The following BTLA variants were observed in gnomAD, a reference collection of about 807,000 sequenced individuals.
BTLA encodes B and T lymphocyte associated, also known as B- and T-lymphocyte attenuator.
A neutral mutation model predicts 25.0 loss-of-function variants in BTLA; 11 were observed. The ratio of observed to expected loss-of-function variants is 0.44; its 90% CI spans 0.28 to 0.73. BTLA has a LOEUF of 0.73. Among genes scored for constraint, BTLA ranks in the 30% least tolerant of loss-of-function variants. The probability of loss-of-function intolerance (pLI) is 0.15; values close to 1 mark genes in which losing one functional copy is unlikely to be tolerated. For synonymous variants in BTLA, 104 were observed against 119.8 expected, an observed-to-expected ratio of 0.87 and a Z score of 0.86; for missense variants, 282 against 332.8, an observed-to-expected ratio of 0.85 and a Z score of 1.19.
At chr3:112,475,110 G>A (rs1042252191) in intron 2 of BTLA, among the ~76,000 whole-genome samples, 12 of 152,188 alleles carry the variant, frequency 7.9e-5, no homozygotes, top group African/African-American at 2.2e-4. Context: ...ATGATGGTGC[G>A]AGATGCTTAT....
chr3:112,492,236 A>G (rs1320013729), intron 1 of BTLA, among the ~76,000 whole-genome samples: 2 of 152,222 alleles, frequency 1.3e-5, no homozygotes, highest in African/African-American at 4.8e-5. Flanking sequence ...ACATGTAATT[A>G]TCGCCCTTGA....
chr3:112,485,723 T>C (rs1358501082), intron 1 of BTLA, among the ~76,000 whole-genome samples: 2 of 152,178 alleles, frequency 1.3e-5, no homozygotes, highest in Non-Finnish European at 2.9e-5. Context: ...TTATTCCTGC[T>C]CTTATTATCT....
In BTLA at chr3:112,488,901, C is replaced by T. The variant is rs192466866; in HGVS notation, c.89-9132G>A. Among the ~76,000 whole-genome samples, 5 of 152,242 alleles carry T rather than the reference C, an allele frequency of 3.3e-5. No individual in the cohort carries two copies. The South Asian group carries it at 8.3e-4, about 25-fold the overall frequency. The stretch of plus-strand genomic sequence containing the variant: ...TGCTAGTATTACAGGCATGAGCCAC[C>T]GCACCCAGCCGACATGCATCACTCT... On this transcript the variant is annotated intron_variant, in intron 1 of 4. Transcript: ENST00000334529.
chr3:112,477,043 C>T (rs1263734562), intron 2 of BTLA, among the ~76,000 whole-genome samples: 2 of 152,052 alleles, frequency 1.3e-5, no homozygotes, highest in Admixed American at 6.6e-5. Context: ...AATAATATTC[C>T]GTGTGTGGAT....
At chr3:112,498,311 G>A (rs1237785855) in intron 1 of BTLA, among the ~76,000 whole-genome samples, 1 of 152,038 alleles carries the variant, frequency 6.6e-6, no homozygotes, top group Non-Finnish European at 1.5e-5. Context: ...GGACGCTGAG[G>A]CAGGAGAATA....
At chr3:112,479,280 G>A (rs188011008) in intron 2 of BTLA, among the ~76,000 whole-genome samples, 175 bp downstream of exon 2, 7 of 151,954 alleles carry the variant, frequency 4.6e-5, no homozygotes, top group East Asian at 3.9e-4. Flanking sequence ...CACCTCAAAC[G>A]CACACATACA....
At chr3:112,469,364 C>T (rs1022671266) in intron 4 of BTLA, among the ~76,000 whole-genome samples, 1 of 151,956 alleles carries the variant, frequency 6.6e-6, no homozygotes, top group African/African-American at 2.4e-5. Flanking sequence ...CATCAGCTCC[C>T]TACTCTCTTC....
rs1260585747 is a variant in BTLA at position 112,497,525 on chromosome 3, A to G, written c.88+1746T>C. Among the ~76,000 whole-genome samples, 4 of 152,336 alleles carry G rather than the reference A, an allele frequency of 2.6e-5. No homozygotes were observed. In the East Asian group the frequency reaches 7.7e-4, roughly 29 times the overall value. On this transcript the variant is annotated intron_variant, in intron 1 of 4. Transcript: ENST00000334529. ...TGAAACTCATTGTTCTTAATTTCAT[A>G]GAGAGTAGTTTATGTATCCTTCAAA... is the stretch of plus-strand genomic sequence containing the variant.
rs1338474804 is a variant in BTLA at position 112,486,702 on chromosome 3, AAAC to A, written c.89-6936_89-6934del. Among the ~76,000 whole-genome samples, 30 of 152,236 alleles carry A rather than the reference AAAC, an allele frequency of 2.0e-4. 1 individual carries two copies. Among genetic ancestry groups the A allele is most frequent in the Admixed American group, 1.1e-3 (17 of 15,288 alleles). ...GTTTTATTTTCTAAAGTTAGTTTTAAAACAACATTAAAAAAATTTCAATTGTAA... is the reference window on the plus strand; with the variant it reads ...GTTTTATTTTCTAAAGTTAGTTTTAAAACATTAAAAAAATTTCAATTGTAA... On this transcript the variant is annotated intron_variant, in intron 1 of 4. Coordinates refer to ENST00000334529, the MANE Select transcript of BTLA (RefSeq NM_181780.4).
intron 1 of BTLA, among the ~76,000 whole-genome samples, chr3:112,492,747 T>C (rs529319942): frequency 6.6e-6 from 1 of 152,160 alleles, no homozygotes; most frequent in Non-Finnish European, 1.5e-5. Context: ...TAGAGGAAAA[T>C]GAAGTGGGGC....
At chr3:112,495,339 T>C (rs1344405023) in intron 1 of BTLA, among the ~76,000 whole-genome samples, 1 of 152,216 alleles carries the variant, frequency 6.6e-6, no homozygotes, top group African/African-American at 2.4e-5. Flanking sequence ...CTGTAAATAT[T>C]TTTCTTTTAA....
At position 112,463,966 on chromosome 3, in the gene BTLA, T is replaced by C; in HGVS notation, c.*2142A>G. 1 of 356,266 alleles carries C rather than the reference T, an allele frequency of 2.8e-6. No individual in the cohort carries two copies. Among genetic ancestry groups the C allele is most frequent in the Non-Finnish European group, 5.0e-6 (1 of 200,284 alleles). 22.1% of individuals were successfully genotyped at this position (356,266 alleles called of 1,614,324 possible). A position where few individuals can be genotyped will look rare whatever the true frequency, so the allele number is the denominator to read the frequency against. ...TTGGGGTACAAAATCAGATGCCAAA[T>C]TGATTTCAAATAAGTTTTAATAACT... On this transcript the variant is annotated 3_prime_UTR_variant, in exon 5 of 5. Coordinates refer to ENST00000334529, the MANE Select transcript of BTLA (RefSeq NM_181780.4).
At chr3:112,499,547 A>G (rs1559832833), upstream of BTLA, 1 of 537,450 alleles carries the variant, frequency 1.9e-6, no homozygotes. Context: ...TGTGAAAAAA[A>G]GTGAACAGAA....
chr3:112,495,045 A>C (rs1261214449), intron 1 of BTLA, among the ~76,000 whole-genome samples: 1 of 152,246 alleles, frequency 6.6e-6, no homozygotes, highest in African/African-American at 2.4e-5. Flanking sequence ...AAAAAAAATT[A>C]GCTAAATATA....
chr3:112,479,537 A>T lies in BTLA; in HGVS notation c.321T>A (p.Pro107=). 6.2e-7 allele frequency: 1 copy of T among 1,614,142 alleles called. No individual in the cohort carries two copies. The highest frequency in any genetic ancestry group is 8.5e-7 in the Non-Finnish European group (1 of 1,179,958). Residue 107 remains proline, a synonymous_variant, in exon 2 of 5, where the codon CCT becomes CCA. Transcript: ENST00000334529. ...AACAGCGGTATGACCCATTGTCATTAGGAAGCACTGGTTCAAAATGTAGAA... is the reference window on the plus strand; with the variant it reads ...AACAGCGGTATGACCCATTGTCATTTGGAAGCACTGGTTCAAAATGTAGAA... ...FFILHFEPVL[P]NDNGSYRCSA... is the part of the protein sequence containing the mutation.
intron 1 of BTLA, among the ~76,000 whole-genome samples, chr3:112,486,059 A>G (rs988228516): frequency 6.6e-6 from 1 of 152,178 alleles, no homozygotes; most frequent in Non-Finnish European, 1.5e-5. Flanking sequence ...GGAGCTTCCA[A>G]TGAGCCTAGA....
chr3:112,485,329 G>A (rs1251501180), intron 1 of BTLA, among the ~76,000 whole-genome samples: 1 of 152,158 alleles, frequency 6.6e-6, no homozygotes, highest in Non-Finnish European at 1.5e-5. Context: ...ACAGGAGTGA[G>A]CCACCGGCCT....
intron 1 of BTLA, among the ~76,000 whole-genome samples, chr3:112,489,882 G>A (rs1252959043): frequency 6.6e-6 from 1 of 152,148 alleles, no homozygotes; most frequent in Non-Finnish European, 1.5e-5. Context: ...TGGCCACCAG[G>A]GAAGGGAAAT....
chr3:112,472,354 T>TG (rs1196681894), intron 2 of BTLA, among the ~76,000 whole-genome samples: 3 of 152,058 alleles, frequency 2.0e-5, no homozygotes, highest in East Asian at 1.9e-4. Flanking sequence ...TTGTTGTTGT[T>TG]TTTTTTAATT....
Sources: gnomAD v4.1 joint callset for allele counts (sites outside exome capture counted in the v4.1 genomes callset) on GRCh38, gnomAD v4.1.1 for gene constraint, MANE v1.5 for transcripts, NCBI Gene and HGNC (gene_info 2026-07-23, HGNC 2026-07-21) for gene names.